The following ADCY2 variants were observed in gnomAD, a reference collection of about 807,000 sequenced individuals.
ADCY2 encodes adenylate cyclase type 2.
A neutral mutation model predicts 125.2 loss-of-function variants in ADCY2; 31 were observed. The observed-to-expected ratio is 0.25, with a 90% CI of 0.19 to 0.33. The LOEUF is 0.33. ADCY2 is among the 10% of genes least tolerant of loss of function. The pLI, the probability that ADCY2 is intolerant of heterozygous loss-of-function variation, is 1.00. For synonymous variants in ADCY2, 512 were observed against 548.4 expected (o/e 0.93, Z 0.93); for missense variants, 904 against 1,418.2 (o/e 0.64, Z 5.82).
intron 5 of ADCY2, among the ~76,000 whole-genome samples, chr5:7,694,118 G>A (rs920605759): frequency 1.3e-5 from 2 of 152,118 alleles, no homozygotes; most frequent in Non-Finnish European, 1.5e-5. Flanking sequence ...CCCACAGATC[G>A]TGTCCCTCAG....
In ADCY2 at chr5:7,784,466, T is replaced by C. The variant is rs1336706984; in HGVS notation, c.2469+17T>C. ...GGTAGACAGGTAAGAAGTCTGTTTA[T>C]ATATATGTATGTATACCTTCTCTAA... is the stretch of plus-strand genomic sequence containing the variant. On this transcript the variant is annotated intron_variant, in intron 19 of 24. Coordinates refer to ENST00000338316, the MANE Select transcript of ADCY2 (RefSeq NM_020546.3). 6.3e-7 allele frequency: 1 copy of C among 1,577,772 alleles called. No individual in the cohort carries two copies. The highest frequency in any genetic ancestry group is 1.3e-5 in the African/African-American group (1 of 74,188).
intron 3 of ADCY2, among the ~76,000 whole-genome samples, chr5:7,586,471 G>A (rs762016360): frequency 1.3e-5 from 2 of 152,052 alleles, no homozygotes; most frequent in Admixed American, 6.5e-5. Context: ...GGCCTATGTC[G>A]ACACCAAACT....
chr5:7,758,425 G>T (rs1743087020), intron 16 of ADCY2, among the ~76,000 whole-genome samples: 2 of 152,178 alleles, frequency 1.3e-5, no homozygotes. Flanking sequence ...CACTCACTGT[G>T]GGAAATGCAG....
At chr5:7,631,474 T>C (rs1281147937) in intron 4 of ADCY2, among the ~76,000 whole-genome samples, 7 of 152,196 alleles carry the variant, frequency 4.6e-5, no homozygotes, top group Admixed American at 2.6e-4. Context: ...GGCCCTTCTG[T>C]CTTTCAAGTT....
intron 17 of ADCY2, among the ~76,000 whole-genome samples, chr5:7,771,188 A>G (rs1199249449): frequency 6.6e-6 from 1 of 152,198 alleles, no homozygotes; most frequent in Non-Finnish European, 1.5e-5. Flanking sequence ...CCTTTCAAAG[A>G]GCATGCTAGA....
chr5:7,500,955 C>T (rs1355686359), intron 2 of ADCY2, among the ~76,000 whole-genome samples: 2 of 152,110 alleles, frequency 1.3e-5, no homozygotes, highest in Non-Finnish European at 2.9e-5. Flanking sequence ...GCTTCATCAA[C>T]AGGGAGAGCT....
intron 15 of ADCY2, among the ~76,000 whole-genome samples, chr5:7,748,519 AACACACACACAC>A (rs35989915): frequency 2.2e-5 from 2 of 90,118 alleles, no homozygotes; most frequent in African/African-American, 7.7e-5. Context: ...CCCACCCTCC[AACACACACACAC>A]ACACACACAC....
rs752098719 is a variant in ADCY2, at chr5:7,707,808, G to A, written c.1371G>A (p.Leu457=). Residue 457 remains leucine, a synonymous_variant, in exon 9 of 25, where the codon CTG becomes CTA. Coordinates refer to ENST00000338316, the MANE Select transcript of ADCY2 (RefSeq NM_020546.3). ...DIRDPYLKQH[L]VKTYFVINPK... is the part of the protein sequence containing the mutation. ...GGGACCCATATTTAAAACAGCACCT[G>A]GTGAAAACCTACTTTGTGATCAACC... 5 of 1,613,996 alleles carry A rather than the reference G, an allele frequency of 3.1e-6. No homozygotes were observed. The highest frequency in any genetic ancestry group is 2.2e-5 in the South Asian group (2 of 91,062).
chr5:7,493,495 A>G (rs1486382117), intron 2 of ADCY2, among the ~76,000 whole-genome samples: 1 of 152,132 alleles, frequency 6.6e-6, no homozygotes, highest in Non-Finnish European at 1.5e-5. Flanking sequence ...GGACACCAAC[A>G]TGGATGGACA....
At chr5:7,403,954 A>G (rs1002944128) in intron 1 of ADCY2, among the ~76,000 whole-genome samples, 2 of 151,840 alleles carry the variant, frequency 1.3e-5, no homozygotes, top group African/African-American at 4.8e-5. Context: ...ACACACACAC[A>G]CACACACACA....
intron 15 of ADCY2, among the ~76,000 whole-genome samples, chr5:7,750,947 T>C (rs1321329937): frequency 1.3e-5 from 2 of 152,198 alleles, no homozygotes; most frequent in Non-Finnish European, 2.9e-5. Flanking sequence ...GGTCTTTCTG[T>C]TCTGCTTTTT....
intron 14 of ADCY2, among the ~76,000 whole-genome samples, chr5:7,730,868 G>A (rs1331692369): frequency 3.3e-5 from 5 of 152,080 alleles, no homozygotes; most frequent in African/African-American, 1.2e-4. Context: ...TTCCATAAGT[G>A]TATTTGTTTT....
intron 3 of ADCY2, among the ~76,000 whole-genome samples, chr5:7,562,703 A>G (rs1735745053): frequency 6.6e-6 from 1 of 152,200 alleles, no homozygotes; most frequent in Non-Finnish European, 1.5e-5. Flanking sequence ...TGATGAACAC[A>G]GGTTTCAAAA....
chr5:7,640,745 G>A (rs1429199441), intron 4 of ADCY2, among the ~76,000 whole-genome samples: 1 of 151,948 alleles, frequency 6.6e-6, no homozygotes, highest in Non-Finnish European at 1.5e-5. Context: ...ATATCATTAT[G>A]CAGAAAAATA....
chr5:7,404,047 A>T (rs985752365), intron 1 of ADCY2, among the ~76,000 whole-genome samples: 2 of 151,934 alleles, frequency 1.3e-5, no homozygotes, highest in African/African-American at 4.8e-5. Flanking sequence ...AGTGTCTTTG[A>T]TAGTAGTAAG....
At chr5:7,794,627 G>A (rs1258426081) in intron 20 of ADCY2, 2 of 152,156 alleles carry the variant, frequency 1.3e-5, no homozygotes, top group African/African-American at 2.4e-5. Flanking sequence ...TAATGAGGGT[G>A]TTATAAGAAG....
At chr5:7,694,090 T>G (rs138806022) in intron 5 of ADCY2, among the ~76,000 whole-genome samples, 1 of 152,266 alleles carries the variant, frequency 6.6e-6, no homozygotes, top group East Asian at 1.9e-4. Flanking sequence ...CTGATTTTCC[T>G]GTAACCATCA....
intron 18 of ADCY2, among the ~76,000 whole-genome samples, chr5:7,780,046 G>A (rs1330846154): frequency 1.3e-5 from 2 of 152,154 alleles, no homozygotes; most frequent in Non-Finnish European, 2.9e-5. Flanking sequence ...GTCCAAAGAG[G>A]AAATCCACAG....
intron 1 of ADCY2, among the ~76,000 whole-genome samples, chr5:7,404,994 A>G (rs960177885): frequency 2.6e-5 from 4 of 152,214 alleles, no homozygotes; most frequent in African/African-American, 7.2e-5. Flanking sequence ...ATCCTAAAAG[A>G]AAAAGATGGA....
Sources: allele counts gnomAD v4.1 joint callset (sites outside exome capture counted in the v4.1 genomes callset), GRCh38; gene constraint gnomAD v4.1.1; transcripts MANE v1.5; gene names NCBI Gene and HGNC (gene_info 2026-07-23, HGNC 2026-07-21).